MSI2: variants seen among roughly 807,000 people sequenced by gnomAD.
MSI2 encodes the protein musashi RNA binding protein 2.
A neutral mutation model predicts 45.6 loss-of-function variants in MSI2; 17 were observed. The observed-to-expected ratio is 0.37, with a 90% CI of 0.26 to 0.56. The LOEUF (loss-of-function observed/expected upper bound fraction) is 0.56. Among genes scored for constraint, MSI2 ranks in the 20% least tolerant of loss-of-function variants. MSI2 has a pLI of 0.77. For synonymous variants in MSI2, 156 were observed against 158.2 expected (o/e 0.99, Z 0.11); for missense variants, 293 against 444.2 (o/e 0.66, Z 3.06).
At chr17:57,575,312 T>A (rs573534479) in intron 7 of MSI2, among the ~76,000 whole-genome samples, 2 of 152,236 alleles carry the variant, frequency 1.3e-5, no homozygotes, top group African/African-American at 4.8e-5. Context: ...TTGCCCTAGA[T>A]GCTCAAACGT....
chr17:57,538,750 A>G (rs2086976518), intron 7 of MSI2, among the ~76,000 whole-genome samples: 1 of 152,306 alleles, frequency 6.6e-6, no homozygotes, highest in East Asian at 1.9e-4. Flanking sequence ...ACACACACAT[A>G]TGCTTGCATG....
At chr17:57,697,360 C>T in the MSI2 span, among the ~76,000 whole-genome samples, 2 of 151,982 alleles carry the variant, frequency 1.3e-5, no homozygotes, top group Admixed American at 1.3e-4. Flanking sequence ...CCCATGGCCA[C>T]TCCCACTCCC....
chr17:57,668,044 C>T (rs776565994), intron 11 of MSI2, among the ~76,000 whole-genome samples: 4 of 152,140 alleles, frequency 2.6e-5, no homozygotes, highest in Non-Finnish European at 4.4e-5. Flanking sequence ...ACTAAAAATA[C>T]AAAAATTAGC....
chr17:57,507,279 G>A (rs1313836713), intron 6 of MSI2, among the ~76,000 whole-genome samples: 1 of 137,212 alleles, frequency 7.3e-6, no homozygotes, highest in Non-Finnish European at 1.5e-5. Context: ...GTGTGTGTGT[G>A]TCTCCCCCAC....
chr17:57,553,485 T>G lies in MSI2; in HGVS notation c.454+23761T>G, dbSNP rs2087354351. On this transcript the variant is annotated intron_variant, in intron 7 of 13. Transcript: ENST00000284073. ...TTAAATGATGTTAAGAATCCCATTC[T>G]TCTCCCTGCTTTCCCACTTCTGCCC... Among the ~76,000 whole-genome samples the G allele has an allele frequency of 5.9e-5, 9 of 152,340 alleles. No individual in the cohort carries two copies. The South Asian group carries it at 1.9e-3, about 32-fold the overall frequency.
At chr17:57,634,623 CAG>C (rs1011324308) in intron 10 of MSI2, among the ~76,000 whole-genome samples, 4 of 152,106 alleles carry the variant, frequency 2.6e-5, no homozygotes, top group African/African-American at 9.7e-5. Context: ...ATATCCCAGA[CAG>C]AGAAATGACA....
At chr17:57,673,719 G>A (rs1268155214) in intron 11 of MSI2, among the ~76,000 whole-genome samples, 3 of 152,056 alleles carry the variant, frequency 2.0e-5, no homozygotes, top group African/African-American at 2.4e-5. Flanking sequence ...GGATTGGGGG[G>A]GCCGAGGCAG....
chr17:57,688,290 T>A (rs1346740818), downstream of MSI2, among the ~76,000 whole-genome samples: 1 of 151,992 alleles, frequency 6.6e-6, no homozygotes, highest in Non-Finnish European at 1.5e-5. Context: ...TACAGAAAAA[T>A]TGCTACTAAA....
intron 5 of MSI2, among the ~76,000 whole-genome samples, chr17:57,397,324 G>A (rs2083909184): frequency 6.6e-6 from 1 of 152,182 alleles, no homozygotes; most frequent in Non-Finnish European, 1.5e-5. Flanking sequence ...CTGTATCCAG[G>A]TTTAAAGTTC....
At chr17:57,492,159 T>C (rs940916198) in intron 6 of MSI2, among the ~76,000 whole-genome samples, 1 of 152,244 alleles carries the variant, frequency 6.6e-6, no homozygotes, top group Admixed American at 6.5e-5. Context: ...TTGACAGTGT[T>C]CCTCTAGTAA....
intron 5 of MSI2, among the ~76,000 whole-genome samples, chr17:57,269,695 G>A (rs1908172431): frequency 2.0e-5 from 3 of 152,128 alleles, no homozygotes; most frequent in African/African-American, 4.8e-5. Context: ...AGCCGTGATC[G>A]TGACCTCACC....
chr17:57,521,322 T>C (rs2086579534), intron 6 of MSI2, among the ~76,000 whole-genome samples: 1 of 152,142 alleles, frequency 6.6e-6, no homozygotes, highest in East Asian at 1.9e-4. Flanking sequence ...GTAGGAAAAC[T>C]GAGTCTCAGA....
At chr17:57,276,147 G>C (rs1157571367) in intron 5 of MSI2, among the ~76,000 whole-genome samples, 1 of 152,186 alleles carries the variant, frequency 6.6e-6, no homozygotes, top group African/African-American at 2.4e-5. Context: ...GCTGAAGGAG[G>C]AGGGACAAAC....
chr17:57,600,422 T>C (rs912997380), intron 8 of MSI2, among the ~76,000 whole-genome samples: 1 of 152,234 alleles, frequency 6.6e-6, no homozygotes, highest in East Asian at 1.9e-4. Flanking sequence ...GTCTTCTGGT[T>C]CAATCTCATG....
chr17:57,320,053 C>G (rs969779559), intron 5 of MSI2, among the ~76,000 whole-genome samples: 5 of 152,268 alleles, frequency 3.3e-5, no homozygotes, highest in Admixed American at 6.5e-5. Context: ...TCGTCTCACT[C>G]TCAGCTTCTC....
chr17:57,257,432 TCCCC>T, intron 2 of MSI2, 30 bp from the exon 3 acceptor site: 2 of 1,033,970 alleles, frequency 1.9e-6, no homozygotes, highest in Non-Finnish European at 2.8e-6. Flanking sequence ...ACACCTTCTC[TCCCC>T]CCCCCATCTC....
intron 5 of MSI2, among the ~76,000 whole-genome samples, chr17:57,269,339 G>A (rs1245030392): frequency 5.3e-5 from 8 of 152,176 alleles, no homozygotes; most frequent in Admixed American, 5.2e-4. Flanking sequence ...CGGGTGTATG[G>A]GGATGCCCTG....
chr17:57,381,656 C>T (rs897364724), intron 5 of MSI2, among the ~76,000 whole-genome samples: 5 of 152,224 alleles, frequency 3.3e-5, no homozygotes, highest in African/African-American at 7.2e-5. Flanking sequence ...GCATGGAGCA[C>T]TTGAAATGTG....
chr17:57,289,704 T>C lies in MSI2; in HGVS notation c.312+27512T>C, dbSNP rs1034963503. On this transcript the variant is annotated intron_variant, in intron 5 of 13. Transcript: ENST00000284073. ...TGTGTGCCATAAAATCCATCACAGC[T>C]CCCTTGGTGAGAAGGAGGAGGCCGT... 9.2e-5 allele frequency among the ~76,000 whole-genome samples: 14 copies of C among 152,286 alleles called. 3 individuals are homozygous for C. Among genetic ancestry groups the C allele is most frequent in the Admixed American group, 1.3e-4 (2 of 15,304 alleles).
Sources: gnomAD v4.1 joint callset for allele counts (sites outside exome capture counted in the v4.1 genomes callset) on GRCh38, gnomAD v4.1.1 for gene constraint, MANE v1.5 for transcripts, NCBI Gene and HGNC (gene_info 2026-07-23, HGNC 2026-07-21) for gene names.